EHMT1: variants seen among roughly 807,000 people sequenced by gnomAD.
The protein encoded by EHMT1 is euchromatic histone lysine methyltransferase 1.
A neutral mutation model predicts 147.2 loss-of-function variants in EHMT1; 15 were observed. That is an observed-to-expected ratio of 0.10 (90% confidence interval 0.07 to 0.16). EHMT1 has a LOEUF of 0.16. Ranked by LOEUF, EHMT1 falls within the 10% of genes least tolerant of loss-of-function variation. EHMT1 has a pLI of 1.00. For missense variants in EHMT1, 1,587 were observed against 1,772.4 expected (o/e 0.90, Z 1.88); for synonymous variants, 795 against 709.6 (o/e 1.12, Z -1.91).
intron 8 of EHMT1, among the ~76,000 whole-genome samples, chr9:137,757,339 C>T (rs765226306): frequency 1.3e-5 from 2 of 152,204 alleles, no homozygotes; most frequent in Admixed American, 1.3e-4. Context: ...TTACTGGAGT[C>T]GACACTGATC....
At chr9:137,648,611 A>G (rs1845081737) in intron 1 of EHMT1, among the ~76,000 whole-genome samples, 1 of 152,156 alleles carries the variant, frequency 6.6e-6, no homozygotes, top group South Asian at 2.1e-4. Flanking sequence ...TGATCACAAC[A>G]CTGCACTCTA....
intron 13 of EHMT1, 59 bp from the exon 14 acceptor site, chr9:137,779,576 T>C (rs1951224862): frequency 1.3e-6 from 2 of 1,595,858 alleles, no homozygotes; most frequent in African/African-American, 2.7e-5. Flanking sequence ...CTTCCAGCCT[T>C]CAGCTTCATG....
chr9:137,813,209 A>G lies in EHMT1; in HGVS notation c.3035+36A>G, dbSNP rs1954634228. ...CCCCAGGACGGCTTTGTGGCAAATC[A>G]GCGGTCAGCAGGGCTTTGGGAACTT... is the stretch of plus-strand genomic sequence containing the variant. On this transcript the variant is annotated intron_variant, in intron 20 of 26. Transcript: ENST00000460843. This position sits in a 1 kb window ranked among gnomAD's most constrained non-coding sequence, Gnocchi z 4.9. The G allele has an allele frequency of 6.2e-7, 1 of 1,601,182 alleles. No individual in the cohort carries two copies. The highest frequency in any genetic ancestry group is 8.5e-7 in the Non-Finnish European group (1 of 1,178,730).
At chr9:137,778,560 C>T (rs1177150149) in intron 13 of EHMT1, among the ~76,000 whole-genome samples, 1 of 152,216 alleles carries the variant, frequency 6.6e-6, no homozygotes, top group Non-Finnish European at 1.5e-5. Flanking sequence ...CCTGGATCTC[C>T]CCTCTGTCTG....
intron 18 of EHMT1, among the ~76,000 whole-genome samples, chr9:137,804,404 C>T (rs7852475): frequency 0.67 from 102,091 of 152,094 alleles, 35,059 homozygotes; most frequent in African/African-American, 0.81. Flanking sequence ...TTTATGGGCT[C>T]ATTTACGATC....
chr9:137,820,867 GTTTGT>G (rs57434137), intron 25 of EHMT1, among the ~76,000 whole-genome samples: 22,803 of 151,062 alleles, frequency 0.15, 5,185 homozygotes, highest in African/African-American at 0.5. Flanking sequence ...CACCTTAGAG[GTTTGT>G]TTTGTTTTGT....
intron 4 of EHMT1, among the ~76,000 whole-genome samples, chr9:137,729,810 C>T (rs534082343): frequency 1.3e-5 from 2 of 152,022 alleles, no homozygotes; most frequent in Non-Finnish European, 2.9e-5. Flanking sequence ...AATTACTGTC[C>T]CTCAACATAA....
At chr9:137,818,478 G>C (rs1955106951) in intron 25 of EHMT1, among the ~76,000 whole-genome samples, 1 of 152,234 alleles carries the variant, frequency 6.6e-6, no homozygotes, top group South Asian at 2.1e-4. Context: ...AGAGGTGAAG[G>C]ACGGGCGCCG....
chr9:137,677,902 C>CA (rs1941528168), intron 1 of EHMT1, among the ~76,000 whole-genome samples: 3 of 139,210 alleles, frequency 2.2e-5, no homozygotes, highest in African/African-American at 2.8e-5. Context: ...ACTAAAAATA[C>CA]AAAAAAAGAA....
At chr9:137,620,742 C>T (rs537073962) in intron 1 of EHMT1, among the ~76,000 whole-genome samples, 35 of 152,272 alleles carry the variant, frequency 2.3e-4, no homozygotes, top group Admixed American at 5.9e-4. Context: ...CTTGGCCAGT[C>T]GGTTGTAGGA....
intron 18 of EHMT1, chr9:137,802,881 G>A: frequency 8.1e-7 from 1 of 1,232,238 alleles, no homozygotes; most frequent in Non-Finnish European, 1.0e-6. Context: ...GAAGAGAGGA[G>A]CCCTGAGCCG....
At chr9:137,672,593 G>A (rs1940803558) in intron 1 of EHMT1, among the ~76,000 whole-genome samples, 2 of 152,222 alleles carry the variant, frequency 1.3e-5, no homozygotes, top group South Asian at 2.1e-4. Context: ...TTTGGGAATT[G>A]TTGTTTTACC....
chr9:137,814,071 C>CT (rs1954728288), intron 21 of EHMT1, among the ~76,000 whole-genome samples: 1 of 94,944 alleles, frequency 1.1e-5, no homozygotes, highest in Non-Finnish European at 2.0e-5. Context: ...CCCCCCCCCC[C>CT]GCCCCCCGCC....
In EHMT1 at chr9:137,797,145, C is replaced by T. The variant is rs115375833; in HGVS notation, c.2506-1668C>T. On this transcript the variant is annotated intron_variant, in intron 16 of 26. Transcript: ENST00000460843. ...GAGGCAGGAAAAGAAACCAGACAGG[C>T]GCTGTGTGGGGTGTCCCTTGGGTGG... Among the ~76,000 whole-genome samples, 1,202 of 151,920 alleles carry T rather than the reference C, an allele frequency of 7.9e-3. 25 individuals are homozygous for T. Among genetic ancestry groups the T allele is most frequent in the African/African-American group, 0.028 (1,140 of 41,422 alleles).
At chr9:137,636,658 G>GT (rs1199865266) in intron 1 of EHMT1, among the ~76,000 whole-genome samples, 2 of 151,990 alleles carry the variant, frequency 1.3e-5, no homozygotes, top group South Asian at 2.1e-4. Context: ...TGATTATGTA[G>GT]TTTTTTTCCT....
At chr9:137,675,715 G>C (rs1250356060) in intron 1 of EHMT1, among the ~76,000 whole-genome samples, 2 of 139,320 alleles carry the variant, frequency 1.4e-5, no homozygotes, top group African/African-American at 2.7e-5. Flanking sequence ...GGGTTCAAGC[G>C]ATTCTCCTGC....
chr9:137,659,721 C>G (rs1180155467), intron 1 of EHMT1, among the ~76,000 whole-genome samples: 1 of 151,688 alleles, frequency 6.6e-6, no homozygotes, highest in African/African-American at 2.4e-5. Context: ...CCATAGTAGG[C>G]ATGTACCACC....
chr9:137,788,968 A>C (rs559893297), intron 15 of EHMT1: 1 of 152,446 alleles, frequency 6.6e-6, no homozygotes, highest in Admixed American at 6.5e-5. Flanking sequence ...GTCTGTTTGG[A>C]AATGCCGCCG....
At chr9:137,693,588 A>T (rs1339564279) in intron 1 of EHMT1, among the ~76,000 whole-genome samples, 2,510 of 50,022 alleles carry the variant, frequency 0.05, no homozygotes, top group East Asian at 0.11. Flanking sequence ...ACACAGTGGC[A>T]CAGGACGCTG....
Sources: gnomAD v4.1 joint callset for allele counts (sites outside exome capture counted in the v4.1 genomes callset) on GRCh38, gnomAD v4.1.1 for gene constraint, Gnocchi (gnomAD v3.1) non-coding constraint, MANE v1.5 for transcripts, NCBI Gene and HGNC (gene_info 2026-07-23, HGNC 2026-07-21) for gene names.